PANX2: variants seen among roughly 807,000 people sequenced by gnomAD.
PANX2 encodes pannexin-2.
Under a neutral mutation model 38.7 loss-of-function variants are expected in PANX2, and 30 were observed. The ratio of observed to expected loss-of-function variants is 0.78; its 90% CI spans 0.58 to 1.05. The LOEUF is 1.05. Among genes scored for constraint, PANX2 ranks in the 50% least tolerant of loss-of-function variants. The pLI is 0.00. For synonymous variants in PANX2, 539 were observed against 472.1 expected (o/e 1.14, Z -1.84); for missense variants, 880 against 979.3 (o/e 0.90, Z 1.35).
chr22:50,177,940 A>T lies in PANX2; in HGVS notation c.1228A>T (p.Asn410Tyr). Residue 410 changes from asparagine (N) to tyrosine (Y), a missense_variant, in exon 2 of 3, where the codon AAC becomes TAC. Around this residue, in one of 4 missense-constraint regions of PANX2, gnomAD observed 445 missense variants for 404.3 expected, o/e 1.10. Transcript: ENST00000395842. The part of the protein sequence containing the change: ...SGVQTVDPSA[N>Y]PAEPDGAAEP... ...GGTGCAGACCGTGGACCCCAGCGCC[A>T]ACCCCGCCGAGCCCGACGGCGCCGC... The T allele has an allele frequency of 6.5e-7, 1 of 1,531,668 alleles. No individual in the cohort carries two copies. Among genetic ancestry groups the T allele is most frequent in the Non-Finnish European group, 8.7e-7 (1 of 1,143,726 alleles). 94.9% of individuals were successfully genotyped at this position (1,531,668 alleles called of 1,614,324 possible).
intron 1 of PANX2, among the ~76,000 whole-genome samples, chr22:50,176,495 G>A (rs533161784): frequency 1.3e-5 from 2 of 148,162 alleles, no homozygotes; most frequent in East Asian, 2.0e-4. Context: ...TGAGCCAACC[G>A]CCTTCCTCCC....
Position 50,177,368 on chromosome 22 carries a change from G to T in PANX2, c.656G>T (p.Arg219Leu), listed in dbSNP as rs751659014. The T allele has an allele frequency of 1.2e-6, 2 of 1,609,140 alleles. No homozygotes were observed. Among genetic ancestry groups the T allele is most frequent in the Non-Finnish European group, 1.7e-6 (2 of 1,178,142 alleles). The change falls in exon 2 of 3, where the codon CGC (arginine) becomes CTC (leucine). Residue 219 changes from arginine (R) to leucine (L), a missense_variant. Physicochemically the swap from Arg to Leu is moderately radical, Grantham distance 102 (BLOSUM62 -2). This residue lies in a region of PANX2 where 243 missense variants were observed against 333.1 expected (regional missense o/e 0.73). Coordinates refer to ENST00000395842, the MANE Select transcript of PANX2 (RefSeq NM_052839.4). The stretch of plus-strand genomic sequence containing the variant: ...GAGAAGTACCTGGAGCGCCGCGGCC[G>T]CAGCAACTTCCTGGCCAAGCTGTAC... ...LFEKYLERRGRSNFLAKLYLA... is the reference protein window; with the variant it reads ...LFEKYLERRGLSNFLAKLYLA...
At chr22:50,172,209 CA>C (rs1227275674) in intron 1 of PANX2, among the ~76,000 whole-genome samples, 1 of 152,226 alleles carries the variant, frequency 6.6e-6, no homozygotes, top group African/African-American at 2.4e-5. Flanking sequence ...GCAAACTAGG[CA>C]GTTTCAAACA....
At position 50,177,535 on chromosome 22, in the gene PANX2, G is replaced by A. The variant is rs757179379; in HGVS notation, c.823G>A (p.Val275Met). The change falls in exon 2 of 3, where the codon GTG becomes ATG. Residue 275 changes from valine to methionine, a missense_variant. Around this residue, in one of 4 missense-constraint regions of PANX2, gnomAD observed 114 missense variants for 108.8 expected, o/e 1.05. Coordinates refer to ENST00000395842, the MANE Select transcript of PANX2 (RefSeq NM_052839.4). ...CGGGGCGGCAGGTGCGGGGCCCGCGGTGCGCGTGAGCTGCAAGCTCCCGTC... is the reference window on the plus strand; with the variant it reads ...CGGGGCGGCAGGTGCGGGGCCCGCGATGCGCGTGAGCTGCAAGCTCCCGTC... ...PDGAAGAGPA[V>M]RVSCKLPSVQ... 3.7e-6 allele frequency: 6 copies of A among 1,610,726 alleles called. No individual in the cohort carries two copies. In the East Asian group the frequency reaches 8.9e-5, roughly 24 times the overall value.
rs774442716 is a variant in PANX2 at position 50,179,460 on chromosome 22, C to G, written c.*183C>G. ...CACGTGCTCGACAGGGGAACCCGCC[C>G]GGACGGCATCGCCAGGCACTGGCTG... is the stretch of plus-strand genomic sequence containing the variant. On this transcript the variant is annotated 3_prime_UTR_variant, in exon 3 of 3. Transcript: ENST00000395842. 5.9e-5 allele frequency: 35 copies of G among 590,232 alleles called. No homozygotes were observed. The highest frequency in any genetic ancestry group is 5.2e-4 in the Admixed American group (16 of 30,810). The allele number at this position is 590,232 out of a possible 1,614,324, so 36.6% of individuals were successfully genotyped here.
Position 50,177,436 on chromosome 22 carries a change from A to G in PANX2, c.724A>G (p.Ile242Val), listed in dbSNP as rs1466345515. 1 of 1,608,908 alleles carries G rather than the reference A, an allele frequency of 6.2e-7. No individual in the cohort carries two copies. Among genetic ancestry groups the G allele is most frequent in the South Asian group, 1.1e-5 (1 of 90,596 alleles). ...VLILLLSAVP[I>V]SYLCTYYATQ... ...GATCCTGCTGCTGAGCGCCGTGCCC[A>G]TCTCCTACCTGTGCACCTACTACGC... The change falls in exon 2 of 3, where the codon ATC becomes GTC. Residue 242 changes from isoleucine (I) to valine (V), a missense_variant. Ile to Val is a conservative substitution (Grantham distance 29). This residue lies in a region of PANX2 where 114 missense variants were observed against 108.8 expected (regional missense o/e 1.05). Transcript: ENST00000395842.
rs561414864 is a variant in PANX2, at chr22:50,174,814, G to A, written c.227-2125G>A. Among the ~76,000 whole-genome samples the A allele has an allele frequency of 1.3e-4, 20 of 152,236 alleles. No individual in the cohort carries two copies. The East Asian group carries it at 3.7e-3, about 28-fold the overall frequency. On this transcript the variant is annotated intron_variant, in intron 1 of 2. Coordinates refer to ENST00000395842, the MANE Select transcript of PANX2 (RefSeq NM_052839.4). ...CAGCCCCTCTCTGCTGCCCCACCCC[G>A]AGTCAGGCCAGCACCCCCGGCCCTG...
chr22:50,175,812 C>G (rs567766035), intron 1 of PANX2, among the ~76,000 whole-genome samples: 2 of 152,372 alleles, frequency 1.3e-5, no homozygotes, highest in Admixed American at 6.5e-5. Context: ...CTGGAGGTGC[C>G]CAGCCCCTGG....
rs747857897 is a variant in PANX2 at position 50,177,123 on chromosome 22, G to T, written c.411G>T (p.Val137=). 6.2e-7 allele frequency: 1 copy of T among 1,608,928 alleles called. No individual in the cohort carries two copies. The highest frequency in any genetic ancestry group is 1.1e-5 in the South Asian group (1 of 90,482). Residue 137 remains valine (V), a synonymous_variant, in exon 2 of 3, where the codon GTG becomes GTT. Coordinates refer to ENST00000395842, the MANE Select transcript of PANX2 (RefSeq NM_052839.4). Reference sequence around the variant, plus strand: ...TGGCCTTCGCCGCCATCATGTACGTGCCCGCGCTGGGCTGGGAGTTCCTGG... The same window carrying T: ...TGGCCTTCGCCGCCATCATGTACGTTCCCGCGCTGGGCTGGGAGTTCCTGG... ...ALLAFAAIMY[V]PALGWEFLAS... is the part of the protein sequence containing the mutation.
intron 2 of PANX2, among the ~76,000 whole-genome samples, chr22:50,178,696 G>T (rs2063679959): frequency 1.3e-5 from 2 of 152,226 alleles, no homozygotes; most frequent in Admixed American, 1.3e-4. Context: ...AGCTCCGCGT[G>T]CGTGGTGCAG....
In PANX2 at chr22:50,179,503, C is replaced by A. The variant is rs1013540854; in HGVS notation, c.*226C>A. 1.8e-6 allele frequency: 1 copy of A among 546,738 alleles called. No individual in the cohort carries two copies. The highest frequency in any genetic ancestry group is 3.2e-6 in the Non-Finnish European group (1 of 309,698). 33.9% of individuals were successfully genotyped at this position (546,738 alleles called of 1,614,324 possible). ...ACTGGCTGGGGTGGGGAAAGGTGGC[C>A]CAGTGGAGCCGGTGGCCAGGAAGGC... On this transcript the variant is annotated 3_prime_UTR_variant, in exon 3 of 3. Coordinates refer to ENST00000395842, the MANE Select transcript of PANX2 (RefSeq NM_052839.4).
At chr22:50,175,587 G>A (rs964519744) in intron 1 of PANX2, 7 of 476,764 alleles carry the variant, frequency 1.5e-5, no homozygotes, top group East Asian at 9.8e-5. Flanking sequence ...TGTCCCCACC[G>A]AGGACTCGGG....
At chr22:50,178,627 C>CA (rs2063679606) in intron 2 of PANX2, among the ~76,000 whole-genome samples, 1 of 152,224 alleles carries the variant, frequency 6.6e-6, no homozygotes, top group South Asian at 2.1e-4. Flanking sequence ...GAGACCCCCC[C>CA]GGGAGGCAGG....
intron 1 of PANX2, among the ~76,000 whole-genome samples, chr22:50,174,895 A>C (rs996495680): frequency 6.6e-6 from 1 of 152,204 alleles, no homozygotes; most frequent in African/African-American, 2.4e-5. Context: ...GGCTGCCAGC[A>C]CAGCTTTGAG....
At chr22:50,173,378 G>A (rs570941746) in intron 1 of PANX2, among the ~76,000 whole-genome samples, 54 of 152,356 alleles carry the variant, frequency 3.5e-4, no homozygotes, top group African/African-American at 1.1e-3. Flanking sequence ...CTCTGCCCCC[G>A]AGCACCCTCC....
chr22:50,172,725 G>A (rs1021427625), intron 1 of PANX2, among the ~76,000 whole-genome samples: 3 of 149,420 alleles, frequency 2.0e-5, no homozygotes, highest in Admixed American at 6.7e-5. Context: ...CCACCCCCCC[G>A]CTTTTTTTAT....
chr22:50,178,269 C>G lies in PANX2; in HGVS notation c.1557C>G (p.Pro519=). Residue 519 remains proline (P), a synonymous_variant, in exon 2 of 3, where the codon CCC becomes CCG. Transcript: ENST00000395842. ...HARHFSLDVH[P]YILGTKKAKA... is the part of the protein sequence containing the mutation. Reference sequence around the variant, plus strand: ...GCCACTTCTCCCTGGACGTGCACCCCTACATCCTCGGCACCAAGAAGGCCA... The same window carrying G: ...GCCACTTCTCCCTGGACGTGCACCCGTACATCCTCGGCACCAAGAAGGCCA... 1 of 1,533,148 alleles carries G rather than the reference C, an allele frequency of 6.5e-7. No homozygotes were observed. Among genetic ancestry groups the G allele is most frequent in the Non-Finnish European group, 8.7e-7 (1 of 1,146,032 alleles). 95.0% of individuals were successfully genotyped at this position (1,533,148 alleles called of 1,614,324 possible).
chr22:50,178,137 G>T lies in PANX2; in HGVS notation c.1425G>T (p.Pro475=). The change falls in exon 2 of 3, where the codon CCG becomes CCT. Residue 475 remains proline (P), a synonymous_variant. Transcript: ENST00000395842. ...RKTATDTLIA[P]LLDRSAHHYK... ...CGGCCACGGACACGCTGATCGCGCC[G>T]CTGCTGGACCGCTCCGCCCACCACT... is the stretch of plus-strand genomic sequence containing the variant. 1.3e-6 allele frequency: 2 copies of T among 1,527,282 alleles called. No homozygotes were observed. Among genetic ancestry groups the T allele is most frequent in the Non-Finnish European group, 8.7e-7 (1 of 1,145,456 alleles). 94.6% of individuals were successfully genotyped at this position (1,527,282 alleles called of 1,614,324 possible). A position where few individuals can be genotyped will look rare whatever the true frequency, so the allele number is the denominator to read the frequency against.
chr22:50,174,051 A>G (rs2063649319), intron 1 of PANX2, among the ~76,000 whole-genome samples: 1 of 152,172 alleles, frequency 6.6e-6, no homozygotes, highest in Non-Finnish European at 1.5e-5. Flanking sequence ...CTGTAAGGCC[A>G]GGGGAGTCGG....
Sources: gnomAD v4.1 joint callset for allele counts (sites outside exome capture counted in the v4.1 genomes callset) on GRCh38, gnomAD v4.1.1 for gene constraint, gnomAD v4.1.1 regional missense constraint, MANE v1.5 for transcripts, NCBI Gene and HGNC (gene_info 2026-07-23, HGNC 2026-07-21) for gene names.